Variants in CRB1 observed in about 807,000 individuals in gnomAD.
The protein encoded by CRB1 is crumbs cell polarity complex component 1.
Under a neutral mutation model 120.0 loss-of-function variants are expected in CRB1, and 83 were observed. The observed-to-expected ratio is 0.69, with a 90% CI of 0.58 to 0.83. CRB1 has a LOEUF of 0.83. CRB1 is among the 40% of genes least tolerant of loss of function. The pLI is 0.00. For missense variants in CRB1, 1,699 were observed against 1,687.6 expected, an observed-to-expected ratio of 1.01 and a Z score of -0.12; for synonymous variants, 625 against 612.5, an observed-to-expected ratio of 1.02 and a Z score of -0.30.
At chr1:197,252,568 ATATATATATATATATGTGTGTG>A in the CRB1 span, among the ~76,000 whole-genome samples, 2 of 46,898 alleles carry the variant, frequency 4.3e-5, no homozygotes, top group African/African-American at 1.2e-4. Flanking sequence ...ATATATATAT[ATATATATATATATATGTGTGTG>A]TGTGTGTGTG....
intron 8 of CRB1, among the ~76,000 whole-genome samples, 196 bp downstream of exon 8, chr1:197,429,810 G>A (rs1456583570): frequency 1.3e-5 from 2 of 152,168 alleles, no homozygotes; most frequent in Admixed American, 6.5e-5. Flanking sequence ...GATAGGAAAT[G>A]GAGGTCACAG....
the CRB1 span, among the ~76,000 whole-genome samples, chr1:197,214,178 G>C: frequency 2.6e-5 from 4 of 151,976 alleles, no homozygotes; most frequent in Admixed American, 6.6e-5. Flanking sequence ...CAATAGAGAA[G>C]ACTCAAAACC....
chr1:197,341,966 T>C (rs529927491), intron 2 of CRB1, among the ~76,000 whole-genome samples: 1 of 152,138 alleles, frequency 6.6e-6, no homozygotes, highest in African/African-American at 2.4e-5. Flanking sequence ...CAGAGATCAG[T>C]GTATACAAAA....
the CRB1 span, among the ~76,000 whole-genome samples, chr1:197,207,723 C>T: frequency 6.6e-6 from 1 of 151,968 alleles, no homozygotes; most frequent in Non-Finnish European, 1.5e-5. Flanking sequence ...AATAAATTTC[C>T]CAGGTGTTCT....
At position 197,304,545 on chromosome 1, in the gene CRB1, T is replaced by C. The variant is rs186157488; in HGVS notation, c.71-23877T>C. 586 of 186,950 alleles carry C rather than the reference T, an allele frequency of 3.1e-3. 2 individuals are homozygous for C. The highest frequency in any genetic ancestry group is 0.013 in the African/African-American group (552 of 42,158). The allele number at this position is 186,950 out of a possible 1,614,324, so 11.6% of individuals were successfully genotyped here. A position where few individuals can be genotyped will look rare whatever the true frequency, so the allele number is the denominator to read the frequency against. ...TATGGGTTGACTTGCTCAGCCTTCA[T>C]CCCACCCTCCACCTATGTGGTTTTC... is the stretch of plus-strand genomic sequence containing the variant. On this transcript the variant is annotated intron_variant, in intron 1 of 11. Coordinates refer to ENST00000367400, the MANE Select transcript of CRB1 (RefSeq NM_201253.3).
intron 1 of CRB1, among the ~76,000 whole-genome samples, chr1:197,323,365 G>A (rs946605605): frequency 7.9e-5 from 12 of 152,186 alleles, no homozygotes; most frequent in African/African-American, 1.9e-4. Flanking sequence ...ATATCTGTTC[G>A]TTGATCGATT....
chr1:197,286,256 G>A (rs978329849), intron 1 of CRB1, among the ~76,000 whole-genome samples: 20 of 151,956 alleles, frequency 1.3e-4, no homozygotes, highest in African/African-American at 4.6e-4. Context: ...AATAGCAATC[G>A]TAACAACCTC....
chr1:197,269,482 A>C (rs1654787151), intron 1 of CRB1, among the ~76,000 whole-genome samples: 1 of 152,188 alleles, frequency 6.6e-6, no homozygotes, highest in Non-Finnish European at 1.5e-5. Flanking sequence ...ACAAATGATC[A>C]GTATAATACT....
In CRB1 at chr1:197,421,451, C is replaced by T; in HGVS notation, c.1623C>T (p.Tyr541=). The T allele has an allele frequency of 3.7e-6, 6 of 1,614,202 alleles. No individual in the cohort carries two copies. The highest frequency in any genetic ancestry group is 5.1e-6 in the Non-Finnish European group (6 of 1,180,032). Residue 541 remains tyrosine (Y), a synonymous_variant, in exon 6 of 12, where the codon TAC becomes TAT. Coordinates refer to ENST00000367400, the MANE Select transcript of CRB1 (RefSeq NM_201253.3). The part of the protein sequence containing the change: ...VFVKLELLSG[Y]IHLSIQVNNQ... The stretch of plus-strand genomic sequence containing the variant: ...TGAAGCTGGAGCTGCTAAGTGGCTA[C>T]ATTCACTTATCAATTCAGGTCAATA...
At chr1:197,292,162 G>A (rs985304639) in intron 1 of CRB1, among the ~76,000 whole-genome samples, 1 of 151,998 alleles carries the variant, frequency 6.6e-6, no homozygotes, top group Non-Finnish European at 1.5e-5. Context: ...AAAATTGATA[G>A]ACCGCTAGCA....
At chr1:197,422,041 C>A in intron 6 of CRB1, 85 bp downstream of exon 6, 1 of 1,279,654 alleles carries the variant, frequency 7.8e-7, no homozygotes, top group Non-Finnish European at 1.1e-6. Context: ...CTGCTTCTGC[C>A]TGCTATGAAA....
At chr1:197,353,821 A>T (rs1398164186) in intron 4 of CRB1, among the ~76,000 whole-genome samples, 3 of 150,974 alleles carry the variant, frequency 2.0e-5, no homozygotes, top group East Asian at 1.9e-4. Context: ...AAATAAAAAA[A>T]AAAAAAAAAA....
At chr1:197,352,201 G>A (rs562452856) in intron 4 of CRB1, among the ~76,000 whole-genome samples, 33 of 152,284 alleles carry the variant, frequency 2.2e-4, no homozygotes, top group Non-Finnish European at 4.1e-4. Flanking sequence ...AGAAAAATTT[G>A]TTAAAACTAT....
intron 1 of CRB1, among the ~76,000 whole-genome samples, chr1:197,295,108 T>A (rs528702354): frequency 6.6e-6 from 1 of 151,964 alleles, no homozygotes; most frequent in East Asian, 1.9e-4. Flanking sequence ...GAGGCAAGTA[T>A]TTTTTTTCAT....
At chr1:197,227,445 G>A in the CRB1 span, among the ~76,000 whole-genome samples, 64 of 148,394 alleles carry the variant, frequency 4.3e-4, 3 homozygotes, top group East Asian at 0.012. Flanking sequence ...AGGCTGGAGT[G>A]CGTGGCACGA....
intron 5 of CRB1, among the ~76,000 whole-genome samples, chr1:197,405,222 C>T (rs892233126): frequency 2.8e-4 from 42 of 152,168 alleles, no homozygotes; most frequent in African/African-American, 8.2e-4. Flanking sequence ...ATTGCAGGCG[C>T]GCGCCGCCAC....
chr1:197,392,969 G>T (rs1436553927), intron 5 of CRB1, among the ~76,000 whole-genome samples: 2 of 152,004 alleles, frequency 1.3e-5, no homozygotes, highest in African/African-American at 4.8e-5. Context: ...CAGGGAAAAG[G>T]TACTTAATGT....
intron 6 of CRB1, among the ~76,000 whole-genome samples, chr1:197,423,915 A>T (rs1012626175): frequency 6.6e-6 from 1 of 152,206 alleles, no homozygotes; most frequent in African/African-American, 2.4e-5. Flanking sequence ...CTTAGGTCAC[A>T]GAAGTGTCCA....
chr1:197,245,429 T>G, the CRB1 span, among the ~76,000 whole-genome samples: 2 of 152,062 alleles, frequency 1.3e-5, no homozygotes, highest in African/African-American at 4.8e-5. Context: ...CCCAGGAGTT[T>G]GTGGTGGCAG....
Sources: allele counts gnomAD v4.1 joint callset (sites outside exome capture counted in the v4.1 genomes callset), GRCh38; gene constraint gnomAD v4.1.1; transcripts MANE v1.5; gene names NCBI Gene and HGNC (gene_info 2026-07-23, HGNC 2026-07-21).